Variants in GRIN2A observed in about 807,000 individuals in gnomAD.
GRIN2A encodes the protein glutamate ionotropic receptor NMDA type subunit 2A.
GRIN2A carries 22 observed loss-of-function variants against 113.4 expected under a neutral mutation model. That is an observed-to-expected ratio of 0.19 (90% CI 0.14 to 0.28). GRIN2A has a LOEUF of 0.28. Among genes scored for constraint, GRIN2A ranks in the 10% least tolerant of loss-of-function variants. The pLI, the probability that GRIN2A is intolerant of heterozygous loss-of-function variation, is 1.00. For synonymous variants in GRIN2A, 827 were observed against 738.4 expected, an observed-to-expected ratio of 1.12 and a Z score of -1.94; for missense variants, 1,502 against 1,887.0, an observed-to-expected ratio of 0.80 and a Z score of 3.78.
At chr16:9,944,326 T>C (rs1263884300) in intron 2 of GRIN2A, among the ~76,000 whole-genome samples, 1 of 152,174 alleles carries the variant, frequency 6.6e-6, no homozygotes, top group African/African-American at 2.4e-5. Flanking sequence ...CAAATAAGCC[T>C]GGTAAGCCTG....
rs544051148 is a variant in GRIN2A at position 9,768,747 on chromosome 16, G to A, written c.2595+104C>T. 1.9e-5 allele frequency: 16 copies of A among 822,102 alleles called. No homozygotes were observed. In the East Asian group the frequency reaches 3.4e-4, roughly 17 times the overall value. The allele number at this position is 822,102 out of a possible 1,614,324, so 50.9% of individuals were successfully genotyped here. On this transcript the variant is annotated intron_variant, in intron 12 of 12. Transcript: ENST00000330684. ...ATGCTCTTGTGACATGCCCAAGAAA[G>A]GCTGGTAAGGGGAGGAAGTGCAGAC...
At chr16:10,135,561 T>G (rs1402334730) in intron 2 of GRIN2A, among the ~76,000 whole-genome samples, 1 of 152,200 alleles carries the variant, frequency 6.6e-6, no homozygotes, top group Non-Finnish European at 1.5e-5. Context: ...GCCCTATTCT[T>G]GGCACCAAAA....
intron 2 of GRIN2A, among the ~76,000 whole-genome samples, chr16:10,095,273 G>C (rs1239193130): frequency 6.6e-6 from 1 of 152,136 alleles, no homozygotes; most frequent in Admixed American, 6.5e-5. Context: ...AAGACACCCA[G>C]TCTATGATAT....
At chr16:10,100,386 C>G (rs1238954709) in intron 2 of GRIN2A, among the ~76,000 whole-genome samples, 2 of 152,164 alleles carry the variant, frequency 1.3e-5, no homozygotes, top group Non-Finnish European at 2.9e-5. Context: ...GTAGTCCTGG[C>G]AAGAGATGTT....
Position 10,045,481 on chromosome 16 carries a change from C to T in GRIN2A, c.415-106930G>A, listed in dbSNP as rs564291008. Among the ~76,000 whole-genome samples the T allele has an allele frequency of 1.2e-4, 18 of 152,078 alleles. 1 individual carries two copies. The South Asian group carries it at 2.5e-3, about 21-fold the overall frequency. On this transcript the variant is annotated intron_variant, in intron 2 of 12. Coordinates refer to ENST00000330684, the MANE Select transcript of GRIN2A (RefSeq NM_001134407.3). ...CTCCGAATCTGCACTGCTCTGGCTA[C>T]GTGAGAGAGAGGTTCAAAGTGGGAC... is the stretch of plus-strand genomic sequence containing the variant.
chr16:10,015,146 C>T (rs546486457), intron 2 of GRIN2A, among the ~76,000 whole-genome samples: 28 of 146,320 alleles, frequency 1.9e-4, no homozygotes, highest in African/African-American at 6.0e-4. Flanking sequence ...CCCAGCTACT[C>T]GGGAGGCTGA....
chr16:9,856,399 T>G (rs1255017520), intron 4 of GRIN2A, among the ~76,000 whole-genome samples: 1 of 151,854 alleles, frequency 6.6e-6, no homozygotes, highest in East Asian at 1.9e-4. Context: ...GGCGGGTAGA[T>G]CACGAGGTCA....
intron 2 of GRIN2A, among the ~76,000 whole-genome samples, chr16:9,945,943 C>A (rs993355497): frequency 6.6e-6 from 1 of 152,074 alleles, no homozygotes; most frequent in Non-Finnish European, 1.5e-5. Flanking sequence ...AGTTTACCAC[C>A]CAGAGCCAAG....
At chr16:10,102,454 G>A (rs765912803) in intron 2 of GRIN2A, among the ~76,000 whole-genome samples, 2 of 152,182 alleles carry the variant, frequency 1.3e-5, no homozygotes, top group Non-Finnish European at 2.9e-5. Flanking sequence ...CATGCTTCCT[G>A]TATAGCCTGC....
intron 2 of GRIN2A, among the ~76,000 whole-genome samples, chr16:9,958,460 C>T (rs1203028359): frequency 6.6e-6 from 1 of 152,124 alleles, no homozygotes; most frequent in African/African-American, 2.4e-5. Flanking sequence ...AACCCCACTT[C>T]CATATCTTTA....
chr16:10,018,780 C>T (rs1180289424), intron 2 of GRIN2A, among the ~76,000 whole-genome samples: 1 of 152,106 alleles, frequency 6.6e-6, no homozygotes, highest in Non-Finnish European at 1.5e-5. Context: ...TCTCCCAACC[C>T]GAGGTTGCTC....
intron 5 of GRIN2A, among the ~76,000 whole-genome samples, chr16:9,844,821 T>C (rs1462735034): frequency 6.6e-6 from 1 of 152,144 alleles, no homozygotes; most frequent in Non-Finnish European, 1.5e-5. Flanking sequence ...TCGCTACACA[T>C]CAGGCCAAAT....
intron 3 of GRIN2A, among the ~76,000 whole-genome samples, chr16:9,928,158 G>T (rs2044505458): frequency 6.6e-6 from 1 of 152,206 alleles, no homozygotes; most frequent in African/African-American, 2.4e-5. Context: ...CAGGAACCTG[G>T]ACGGGGGCTC....
chr16:9,867,632 C>T (rs2043182630), intron 4 of GRIN2A, among the ~76,000 whole-genome samples: 1 of 152,176 alleles, frequency 6.6e-6, no homozygotes, highest in South Asian at 2.1e-4. Context: ...CACATAAGCC[C>T]CTCCTCTGCA....
chr16:10,029,453 C>T (rs1422933496), intron 2 of GRIN2A, among the ~76,000 whole-genome samples: 2 of 152,010 alleles, frequency 1.3e-5, no homozygotes, highest in Non-Finnish European at 2.9e-5. Context: ...CTCGGCCTCC[C>T]GAAGTGCTGG....
intron 4 of GRIN2A, among the ~76,000 whole-genome samples, chr16:9,871,334 A>C (rs2043256543): frequency 6.6e-6 from 1 of 152,128 alleles, no homozygotes; most frequent in Non-Finnish European, 1.5e-5. Flanking sequence ...GCAGGACTTA[A>C]AGGACTCCTT....
chr16:10,111,405 C>T (rs2048611303), intron 2 of GRIN2A: 4 of 508,618 alleles, frequency 7.9e-6, no homozygotes, highest in East Asian at 3.9e-5. Flanking sequence ...TGATCAGTGG[C>T]GGCACCGGCT....
intron 2 of GRIN2A, among the ~76,000 whole-genome samples, chr16:10,131,451 C>A (rs2049061635): frequency 6.7e-6 from 1 of 150,278 alleles, no homozygotes; most frequent in East Asian, 2.0e-4. Flanking sequence ...CCGCTCCAGT[C>A]TCTTCTCACC....
intron 11 of GRIN2A, among the ~76,000 whole-genome samples, chr16:9,778,640 A>T (rs1901752488): frequency 6.6e-6 from 1 of 152,204 alleles, no homozygotes; most frequent in Non-Finnish European, 1.5e-5. Context: ...CTAATGACCA[A>T]CGAGGGGAAG....
Sources: allele counts gnomAD v4.1 joint callset (sites outside exome capture counted in the v4.1 genomes callset), GRCh38; gene constraint gnomAD v4.1.1; transcripts MANE v1.5; gene names NCBI Gene and HGNC (gene_info 2026-07-23, HGNC 2026-07-21).